PLEKHG2: variants seen among roughly 807,000 people sequenced by gnomAD.
PLEKHG2 encodes pleckstrin homology and RhoGEF domain containing G2, also known as pleckstrin homology domain-containing family G member 2.
In PLEKHG2, 71 loss-of-function variants were observed where a neutral mutation model predicts 104.4. The observed-to-expected ratio is 0.68, with a 90% CI of 0.56 to 0.83. The LOEUF is 0.83. Ranked by LOEUF, PLEKHG2 falls within the 40% of genes least tolerant of loss-of-function variation. The pLI is 0.00. For missense variants in PLEKHG2, 1,730 were observed against 1,809.4 expected (o/e 0.96, Z 0.80); for synonymous variants, 728 against 737.0 (o/e 0.99, Z 0.20).
Position 39,417,996 on chromosome 19 carries a change from G to T in PLEKHG2, c.974G>T (p.Gly325Val). 2 of 1,557,322 alleles carry T rather than the reference G, an allele frequency of 1.3e-6. No homozygotes were observed. The highest frequency in any genetic ancestry group is 8.7e-7 in the Non-Finnish European group (1 of 1,153,562). Reference protein sequence around the residue: ...VLEGAFRGGGGGGPRLRGGER... With the variant: ...VLEGAFRGGGVGGPRLRGGER... ...GAGGGCGCGTTCCGAGGAGGCGGAG[G>T]GGGTGGCCCCCGGCTACGAGGGGGT... The change falls in exon 9 of 19, where the codon GGG (glycine) becomes GTG (valine). Residue 325 changes from glycine to valine, a missense_variant. Gly to Val is a moderately radical substitution (Grantham distance 109). Coordinates refer to ENST00000425673, the MANE Select transcript of PLEKHG2 (RefSeq NM_022835.3).
chr19:39,414,302 C>G (rs1568388118), intron 2 of PLEKHG2, 107 bp downstream of exon 2: 7 of 1,193,236 alleles, frequency 5.9e-6, no homozygotes, highest in Admixed American at 2.1e-5. Flanking sequence ...CACAAAGCTC[C>G]GAGTCTGGTG....
chr19:39,416,721 C>A lies in PLEKHG2; in HGVS notation c.593+124C>A. ...GACCCCTGCCAGGCTGTGACAGTAA[C>A]TGACCTCTCCCTCACTGCCCCGCCC... On this transcript the variant is annotated intron_variant, in intron 6 of 18. Coordinates refer to ENST00000425673, the MANE Select transcript of PLEKHG2 (RefSeq NM_022835.3). This position sits in a 1 kb window ranked among gnomAD's most constrained non-coding sequence, Gnocchi z 4.5. 1 of 1,469,172 alleles carries A rather than the reference C, an allele frequency of 6.8e-7. No homozygotes were observed. The highest frequency in any genetic ancestry group is 1.4e-5 in the African/African-American group (1 of 72,140). The allele number at this position is 1,469,172 out of a possible 1,614,324, so 91.0% of individuals were successfully genotyped here.
intron 17 of PLEKHG2, 88 bp downstream of exon 17, chr19:39,422,376 C>A (rs995525156): frequency 7.3e-7 from 1 of 1,373,450 alleles, no homozygotes; most frequent in Non-Finnish European, 9.8e-7. Context: ...CATGCTGATA[C>A]CTTTATTTTT....
chr19:39,425,683 T>C lies in PLEKHG2; in HGVS notation c.*389T>C, dbSNP rs550860448. The C allele has an allele frequency of 3.0e-6, 1 of 330,446 alleles. No individual in the cohort carries two copies. The highest frequency in any genetic ancestry group is 1.5e-4 in the South Asian group (1 of 6,646). 20.5% of individuals were successfully genotyped at this position (330,446 alleles called of 1,614,324 possible). On this transcript the variant is annotated 3_prime_UTR_variant, in exon 19 of 19. Coordinates refer to ENST00000425673, the MANE Select transcript of PLEKHG2 (RefSeq NM_022835.3). ...TAACTTGGCGTGTGTGTGAACTGCT[T>C]GATGCCCATCCAGGAAAGCCAAGTT... is the stretch of plus-strand genomic sequence containing the variant.
Position 39,416,910 on chromosome 19 carries a change from G to A in PLEKHG2, c.654G>A (p.Glu218=). The A allele has an allele frequency of 6.2e-7, 1 of 1,613,064 alleles. No homozygotes were observed. The highest frequency in any genetic ancestry group is 8.5e-7 in the Non-Finnish European group (1 of 1,179,876). The stretch of plus-strand genomic sequence containing the variant: ...CGCCAGCAGCCCTGTGGCTGCAGGA[G>A]CGCCAGGCCCAGCTTCGCCACTCGC... ...LSPPAALWLQ[E]RQAQLRHSLP... is the part of the protein sequence containing the mutation. The change falls in exon 7 of 19, where the codon GAG becomes GAA. Residue 218 remains glutamate, a synonymous_variant. Transcript: ENST00000425673. This position sits in a 1 kb window ranked among gnomAD's most constrained non-coding sequence, Gnocchi z 4.5.
Position 39,424,221 on chromosome 19 carries a change from TTCACAGTTTCAGTCACCACCCCTG to T in PLEKHG2, c.3090_3113del (p.Phe1030_Val1038delinsLeu). On this transcript the variant is annotated inframe_deletion, in exon 19 of 19. Coordinates refer to ENST00000425673, the MANE Select transcript of PLEKHG2 (RefSeq NM_022835.3). ...TTTGCCCAAGGAGATTTGTTCTGAT[TTCACAGTTTCAGTCACCACCCCTG>T]TGCCCAAGCAAGAAGGTCACCTAGA... The T allele has an allele frequency of 3.1e-6, 5 of 1,613,852 alleles. No individual in the cohort carries two copies. Among genetic ancestry groups the T allele is most frequent in the Non-Finnish European group, 4.2e-6 (5 of 1,179,944 alleles).
Position 39,415,598 on chromosome 19 carries a change from TGAGGGAGGGGCATAGGGGATGG to T in PLEKHG2, c.479+164_479+185del, listed in dbSNP as rs1568389663. ...CACGACTGGGAGGGAGGACCCCGAG[TGAGGGAGGGGCATAGGGGATGG>T]GAGGACCCCGAGTGAGGGAGGGGCA... is the stretch of plus-strand genomic sequence containing the variant. On this transcript the variant is annotated intron_variant, in intron 4 of 18. Coordinates refer to ENST00000425673, the MANE Select transcript of PLEKHG2 (RefSeq NM_022835.3). This position sits in a 1 kb window ranked among gnomAD's most constrained non-coding sequence, Gnocchi z 4.6. Among the ~76,000 whole-genome samples, 4,463 of 121,296 alleles carry T rather than the reference TGAGGGAGGGGCATAGGGGATGG, an allele frequency of 0.037. 54 individuals are homozygous for T. The highest frequency in any genetic ancestry group is 0.055 in the African/African-American group (1,684 of 30,820). 79.6% of individuals were successfully genotyped at this position (121,296 alleles called of 152,430 possible).
chr19:39,424,074 C>G lies in PLEKHG2; in HGVS notation c.2941C>G (p.Gln981Glu), dbSNP rs1161969899. Residue 981 changes from glutamine (Q) to glutamate (E), a missense_variant, in exon 19 of 19, where the codon CAA (glutamine) becomes GAA (glutamate). By Grantham distance (29) the Gln-to-Glu change is conservative. Coordinates refer to ENST00000425673, the MANE Select transcript of PLEKHG2 (RefSeq NM_022835.3). ...TFSDQGHPEI[Q>E]VPATTPLPEH... is the part of the protein sequence containing the mutation. ...CTCTGATCAAGGCCACCCAGAAATC[C>G]AAGTTCCAGCCACCACTCCTTTGCC... 1 of 1,613,928 alleles carries G rather than the reference C, an allele frequency of 6.2e-7. No homozygotes were observed. Among genetic ancestry groups the G allele is most frequent in the African/African-American group, 1.3e-5 (1 of 74,896 alleles).
At chr19:39,417,272 C>A (rs985157629) in intron 7 of PLEKHG2, among the ~76,000 whole-genome samples, 7 of 152,140 alleles carry the variant, frequency 4.6e-5, no homozygotes, top group Non-Finnish European at 8.8e-5. Flanking sequence ...CCTTGCTCAG[C>A]CTCCTGAGTA....
rs953112433 is a variant in PLEKHG2 at position 39,422,227 on chromosome 19, G to C, written c.1616G>C (p.Gly539Ala). ...DAGPPTLDPS[G>A]TSITEEILEL... ...GGACCCCCAACACTGGACCCCTCTG[G>C]GACCTCAATCACTGAAGAAATCCTG... Residue 539 changes from glycine (G) to alanine (A), a missense_variant, in exon 17 of 19, where the codon GGG (glycine) becomes GCG (alanine). Gly to Ala is a moderately conservative substitution (Grantham distance 60). Coordinates refer to ENST00000425673, the MANE Select transcript of PLEKHG2 (RefSeq NM_022835.3). 6.8e-6 allele frequency: 11 copies of C among 1,613,714 alleles called. No individual in the cohort carries two copies. The African/African-American group carries it at 1.5e-4, about 22-fold the overall frequency.
Position 39,425,454 on chromosome 19 carries a change from C to CTTGGGGCCGATGACT in PLEKHG2, c.*160_*161insTTGGGGCCGATGACT. On this transcript the variant is annotated 3_prime_UTR_variant, in exon 19 of 19. Transcript: ENST00000425673. ...GGCGAATGGCCCTTCTTGCCTTGAT[C>CTTGGGGCCGATGACT]CACAGGGATGGGGAAGGGAGGAATG... is the stretch of plus-strand genomic sequence containing the variant. The CTTGGGGCCGATGACT allele has an allele frequency of 8.6e-7, 1 of 1,168,946 alleles. No homozygotes were observed. The highest frequency in any genetic ancestry group is 1.1e-6 in the Non-Finnish European group (1 of 881,644). The allele number at this position is 1,168,946 out of a possible 1,614,324, so 72.4% of individuals were successfully genotyped here. A position where few individuals can be genotyped will look rare whatever the true frequency, so the allele number is the denominator to read the frequency against.
chr19:39,420,564 A>G, intron 11 of PLEKHG2, 62 bp from the exon 12 acceptor site: 1 of 1,610,150 alleles, frequency 6.2e-7, no homozygotes, highest in East Asian at 2.2e-5. Flanking sequence ...CGGTGCTTAA[A>G]GTATCCTCTC....
Position 39,415,378 on chromosome 19 carries a change from C to A in PLEKHG2, c.418C>A (p.Leu140Met), listed in dbSNP as rs1252838124. 3.1e-6 allele frequency: 5 copies of A among 1,614,158 alleles called. No homozygotes were observed. In the South Asian group the frequency reaches 5.5e-5, roughly 18 times the overall value. ...GPLLDGGVLGLSVEQVGTLFA... is the reference protein window; with the variant it reads ...GPLLDGGVLGMSVEQVGTLFA... ...TCTGCTGGACGGCGGGGTCCTGGGG[C>A]TGAGCGTGGAGCAGGTGGGCACGCT... Residue 140 changes from leucine (L) to methionine (M), a missense_variant, in exon 4 of 19, where the codon CTG (leucine) becomes ATG (methionine). Physicochemically the swap from Leu to Met is conservative, Grantham distance 15. Coordinates refer to ENST00000425673, the MANE Select transcript of PLEKHG2 (RefSeq NM_022835.3). This position sits in a 1 kb window ranked among gnomAD's most constrained non-coding sequence, Gnocchi z 4.6.
chr19:39,417,757 G>T (rs1403705686), intron 8 of PLEKHG2, 65 bp downstream of exon 8: 11 of 1,545,792 alleles, frequency 7.1e-6, no homozygotes, highest in Middle Eastern at 4.6e-4. Flanking sequence ...TGGGGCGGGT[G>T]GGGGGAAATC....
chr19:39,425,443 C>CCT lies in PLEKHG2; in HGVS notation c.*149_*150insCT. The CCT allele has an allele frequency of 7.7e-7, 1 of 1,296,028 alleles. No homozygotes were observed. Among genetic ancestry groups the CCT allele is most frequent in the Non-Finnish European group, 1.0e-6 (1 of 982,410 alleles). The allele number at this position is 1,296,028 out of a possible 1,614,324, so 80.3% of individuals were successfully genotyped here. A position where few individuals can be genotyped will look rare whatever the true frequency, so the allele number is the denominator to read the frequency against. ...GTATCTGCATCGGCGAATGGCCCTT[C>CCT]TTGCCTTGATCCACAGGGATGGGGA... On this transcript the variant is annotated 3_prime_UTR_variant, in exon 19 of 19. Transcript: ENST00000425673.
At chr19:39,420,216 G>A (rs541428623) in intron 11 of PLEKHG2, among the ~76,000 whole-genome samples, 10 of 152,060 alleles carry the variant, frequency 6.6e-5, no homozygotes, top group East Asian at 3.9e-4. Flanking sequence ...AAAAATTACC[G>A]GGTGTGGTAG....
chr19:39,417,981 T>C lies in PLEKHG2; in HGVS notation c.959T>C (p.Phe320Ser). ...GGGGAACTGGTGTTGGAGGGCGCGT[T>C]CCGAGGAGGCGGAGGGGGTGGCCCC... ...AFGELVLEGA[F>S]RGGGGGGPRL... The change falls in exon 9 of 19, where the codon TTC (phenylalanine) becomes TCC (serine). Residue 320 changes from phenylalanine (F) to serine (S), a missense_variant. Transcript: ENST00000425673. 6.5e-7 allele frequency: 1 copy of C among 1,549,978 alleles called. No homozygotes were observed.
chr19:39,418,703 C>CAG, intron 9 of PLEKHG2, 31 bp from the exon 10 acceptor site: 6 of 1,582,194 alleles, frequency 3.8e-6, no homozygotes, highest in Non-Finnish European at 4.3e-6. Context: ...CCCAAGGACT[C>CAG]TGAGCTTGCT....
Position 39,422,901 on chromosome 19 carries a change from A to G in PLEKHG2, c.1847A>G (p.Glu616Gly). The G allele has an allele frequency of 6.2e-7, 1 of 1,601,536 alleles. No homozygotes were observed. Among genetic ancestry groups the G allele is most frequent in the Middle Eastern group, 1.7e-4 (1 of 6,002 alleles). ...ERGPSPLHVL[E>G]GLESSIAAEM... ...GGGCCTTCCCCACTCCACGTCCTGG[A>G]AGGGCTCGAAAGTTCCATTGCAGCT... The change falls in exon 18 of 19, where the codon GAA becomes GGA. Residue 616 changes from glutamate (E) to glycine (G), a missense_variant. Coordinates refer to ENST00000425673, the MANE Select transcript of PLEKHG2 (RefSeq NM_022835.3).
Sources: allele counts gnomAD v4.1 joint callset (sites outside exome capture counted in the v4.1 genomes callset), GRCh38; gene constraint gnomAD v4.1.1; non-coding constraint Gnocchi (gnomAD v3.1); transcripts MANE v1.5; gene names NCBI Gene and HGNC (gene_info 2026-07-23, HGNC 2026-07-21).